The following SPHKAP variants were observed in gnomAD, a reference collection of about 807,000 sequenced individuals.
The protein encoded by SPHKAP is A-kinase anchor protein SPHKAP.
A neutral mutation model predicts 137.5 loss-of-function variants in SPHKAP; 67 were observed. The ratio of observed to expected loss-of-function variants is 0.49; its 90% CI spans 0.40 to 0.60. SPHKAP has a LOEUF of 0.60. Ranked by LOEUF, SPHKAP falls within the 20% of genes least tolerant of loss-of-function variation. The pLI, the probability that SPHKAP is intolerant of heterozygous loss-of-function variation, is 0.00. For missense variants in SPHKAP, 2,097 were observed against 2,069.3 expected (o/e 1.01, Z -0.26); for synonymous variants, 813 against 785.3 (o/e 1.04, Z -0.59).
At chr2:228,174,663 C>T (rs1483654075) in intron 1 of SPHKAP, among the ~76,000 whole-genome samples, 2 of 152,172 alleles carry the variant, frequency 1.3e-5, no homozygotes, top group Middle Eastern at 6.8e-3. Flanking sequence ...AAATTACCAG[C>T]CCTGTTGAAA....
intron 3 of SPHKAP, among the ~76,000 whole-genome samples, chr2:228,065,600 G>A (rs1394874185): frequency 6.6e-6 from 1 of 152,174 alleles, no homozygotes; most frequent in African/African-American, 2.4e-5. Context: ...TCATTTTCTA[G>A]CCATTTCATT....
chr2:228,000,995 A>G (rs1184986453), intron 7 of SPHKAP, among the ~76,000 whole-genome samples: 1 of 152,138 alleles, frequency 6.6e-6, no homozygotes, highest in Non-Finnish European at 1.5e-5. Flanking sequence ...TCCATTCTGT[A>G]TTCCAATCAG....
chr2:228,062,968 T>G (rs1028024961), intron 3 of SPHKAP, among the ~76,000 whole-genome samples: 1 of 152,200 alleles, frequency 6.6e-6, no homozygotes, highest in Non-Finnish European at 1.5e-5. Context: ...ATGGTAGGTT[T>G]ATTAAAGTCT....
intron 3 of SPHKAP, among the ~76,000 whole-genome samples, chr2:228,088,770 G>A (rs1207703216): frequency 2.6e-5 from 4 of 152,148 alleles, no homozygotes; most frequent in Non-Finnish European, 4.4e-5. Flanking sequence ...CTCTTGCCAT[G>A]TGATGCACTG....
At chr2:228,055,965 T>A (rs1696424962) in intron 3 of SPHKAP, among the ~76,000 whole-genome samples, 1 of 152,226 alleles carries the variant, frequency 6.6e-6, no homozygotes, top group African/African-American at 2.4e-5. Flanking sequence ...GATGTTGCTA[T>A]CAGGATGGAT....
rs1414606705 is a variant in SPHKAP at position 227,995,515 on chromosome 2, G to A, written c.4628C>T (p.Ser1543Phe). The A allele has an allele frequency of 6.2e-7, 1 of 1,614,040 alleles. No individual in the cohort carries two copies. The highest frequency in any genetic ancestry group is 2.2e-5 in the East Asian group (1 of 44,860). ...TCAAGGGAAGAGCAGGTACCTCATG[G>A]ATCGCTCACTGAGCTGGAGAAAGCT... ...TSSFLQLSER[S>F]MSNGNSSATS... Residue 1543 changes from serine to phenylalanine, a missense_variant, in exon 8 of 12, where the codon TCC becomes TTC. By Grantham distance (155) the Ser-to-Phe change is radical. Transcript: ENST00000392056.
In SPHKAP at chr2:228,017,405, T is replaced by C; in HGVS notation, c.3449A>G (p.Tyr1150Cys). 1 of 1,614,112 alleles carries C rather than the reference T, an allele frequency of 6.2e-7. No homozygotes were observed. The highest frequency in any genetic ancestry group is 8.5e-7 in the Non-Finnish European group (1 of 1,180,020). The change falls in exon 7 of 12, where the codon TAC becomes TGC. Residue 1150 changes from tyrosine (Y) to cysteine (C), a missense_variant. Physicochemically the swap from Tyr to Cys is radical, Grantham distance 194. Transcript: ENST00000392056. ...EGRGFELLLDYYAGKNASSIL... is the reference protein window; with the variant it reads ...EGRGFELLLDCYAGKNASSIL... Reference sequence around the variant, plus strand: ...GCTGCTGGCGTTCTTGCCAGCATAGTAATCCAGCAGTAACTCAAATCCTCT... The same window carrying C: ...GCTGCTGGCGTTCTTGCCAGCATAGCAATCCAGCAGTAACTCAAATCCTCT...
At position 228,151,400 on chromosome 2, in the gene SPHKAP, G is replaced by T. The variant is rs190027757; in HGVS notation, c.33-19315C>A. On this transcript the variant is annotated intron_variant, in intron 1 of 11. Transcript: ENST00000392056. ...ATAGTGCCGCAATAAACATACGTGT[G>T]CATGTGTCTTTATAGCAGCATGATT... Among the ~76,000 whole-genome samples the T allele has an allele frequency of 1.6e-3, 250 of 152,054 alleles. 2 individuals are homozygous for T. The highest frequency in any genetic ancestry group is 4.1e-3 in the Admixed American group (62 of 15,238).
At position 228,106,622 on chromosome 2, in the gene SPHKAP, T is replaced by G. The variant is rs1277185126; in HGVS notation, c.246+2210A>C. Among the ~76,000 whole-genome samples the G allele has an allele frequency of 2.0e-5, 3 of 152,214 alleles. No homozygotes were observed. The East Asian group carries it at 5.8e-4, about 29-fold the overall frequency. On this transcript the variant is annotated intron_variant, in intron 3 of 11. Transcript: ENST00000392056. Reference sequence around the variant, plus strand: ...TGGAGAACTGGTTTTGAAAAGGAATTAAGTCCTTATTCCTTGACGATTTTG... The same window carrying G: ...TGGAGAACTGGTTTTGAAAAGGAATGAAGTCCTTATTCCTTGACGATTTTG...
At position 228,132,205 on chromosome 2, in the gene SPHKAP, C is replaced by T. The variant is rs1699275144; in HGVS notation, c.33-120G>A. 7 of 815,114 alleles carry T rather than the reference C, an allele frequency of 8.6e-6. No individual in the cohort carries two copies. In the South Asian group the frequency reaches 1.1e-4, roughly 13 times the overall value. The allele number at this position is 815,114 out of a possible 1,614,324, so 50.5% of individuals were successfully genotyped here. A position where few individuals can be genotyped will look rare whatever the true frequency, so the allele number is the denominator to read the frequency against. On this transcript the variant is annotated intron_variant, in intron 1 of 11. Coordinates refer to ENST00000392056, the MANE Select transcript of SPHKAP (RefSeq NM_001142644.2). ...ATCATCTTTTTCAGATTGCATTAAACACTGCAAATCCCCCTGCTGAAATGG... is the reference window on the plus strand; with the variant it reads ...ATCATCTTTTTCAGATTGCATTAAATACTGCAAATCCCCCTGCTGAAATGG...
At chr2:228,032,889 G>A (rs1050398110) in intron 3 of SPHKAP, among the ~76,000 whole-genome samples, 27 of 152,164 alleles carry the variant, frequency 1.8e-4, no homozygotes, top group African/African-American at 6.5e-4. Context: ...ACTAAACATG[G>A]AAAGGAACAA....
chr2:228,058,615 G>A (rs1476711566), intron 3 of SPHKAP, among the ~76,000 whole-genome samples: 1 of 152,142 alleles, frequency 6.6e-6, no homozygotes, highest in African/African-American at 2.4e-5. Context: ...GCATTAAGAC[G>A]TTAACCAATG....
chr2:228,089,521 C>A (rs1200580597), intron 3 of SPHKAP, among the ~76,000 whole-genome samples: 2 of 152,220 alleles, frequency 1.3e-5, no homozygotes, highest in African/African-American at 4.8e-5. Context: ...GAAGAACCAC[C>A]TGCTAAAGAG....
At chr2:228,154,990 G>A (rs1053027590) in intron 1 of SPHKAP, among the ~76,000 whole-genome samples, 2 of 152,008 alleles carry the variant, frequency 1.3e-5, no homozygotes, top group Admixed American at 1.3e-4. Context: ...TAATTACAAT[G>A]CATTTCCCAG....
At chr2:228,144,558 T>A (rs1204226073) in intron 1 of SPHKAP, among the ~76,000 whole-genome samples, 1 of 151,974 alleles carries the variant, frequency 6.6e-6, no homozygotes, top group African/African-American at 2.4e-5. Flanking sequence ...CTATATTTTT[T>A]ATATATTTAA....
intron 11 of SPHKAP, among the ~76,000 whole-genome samples, chr2:227,986,753 C>T (rs1693227204): frequency 6.6e-6 from 1 of 152,054 alleles, no homozygotes; most frequent in African/African-American, 2.4e-5. Context: ...GCACTGCCCC[C>T]ATAGAAAGGA....
rs747762395 is a variant in SPHKAP, at chr2:228,018,560, G to T, written c.2294C>A (p.Ala765Asp). The change falls in exon 7 of 12, where the codon GCC becomes GAC. Residue 765 changes from alanine to aspartate, a missense_variant. Physicochemically the swap from Ala to Asp is moderately radical, Grantham distance 126. Transcript: ENST00000392056. ...TGGAGAGCTGCTGGAGGATTCAGTG[G>T]CTTTTGTCCAAGCTTGACTAGCACC... ...DPGASQAWTK[A>D]TESSSSSPLS... is the part of the protein sequence containing the mutation. The T allele has an allele frequency of 3.1e-6, 5 of 1,613,892 alleles. No individual in the cohort carries two copies. The highest frequency in any genetic ancestry group is 4.2e-6 in the Non-Finnish European group (5 of 1,179,830).
chr2:228,159,957 G>A (rs566736679), intron 1 of SPHKAP, among the ~76,000 whole-genome samples: 39 of 152,232 alleles, frequency 2.6e-4, no homozygotes, highest in Non-Finnish European at 4.7e-4. Flanking sequence ...CTGGAGCCAG[G>A]AGCTTCTTGT....
At position 228,019,933 on chromosome 2, in the gene SPHKAP, C is replaced by A. The variant is rs558833668; in HGVS notation, c.921G>T (p.Gln307His). ...CATTCCCCACAGCTTCTCTTTTCCA[C>A]TGTGATGGCTTGGCTGAGGGATCTA... The part of the protein sequence containing the change: ...QSLDPSAKPS[Q>H]WKREAVGNGR... Residue 307 changes from glutamine to histidine, a missense_variant, in exon 7 of 12, where the codon CAG becomes CAT. By Grantham distance (24) the Gln-to-His change is conservative. Coordinates refer to ENST00000392056, the MANE Select transcript of SPHKAP (RefSeq NM_001142644.2). 1 of 1,614,208 alleles carries A rather than the reference C, an allele frequency of 6.2e-7. No individual in the cohort carries two copies. Among genetic ancestry groups the A allele is most frequent in the South Asian group, 1.1e-5 (1 of 91,074 alleles).
Sources: allele counts gnomAD v4.1 joint callset (sites outside exome capture counted in the v4.1 genomes callset), GRCh38; gene constraint gnomAD v4.1.1; transcripts MANE v1.5; gene names NCBI Gene and HGNC (gene_info 2026-07-23, HGNC 2026-07-21).